The following CAMSAP1 variants were observed in gnomAD, a reference collection of about 807,000 sequenced individuals.
CAMSAP1 encodes the protein calmodulin regulated spectrin associated protein 1.
Under a neutral mutation model 143.5 loss-of-function variants are expected in CAMSAP1, and 58 were observed. The observed-to-expected ratio is 0.40, with a 90% CI of 0.33 to 0.50. The LOEUF (loss-of-function observed/expected upper bound fraction) is 0.50, where lower values mean the gene tolerates loss of function less well. CAMSAP1 is among the 20% of genes least tolerant of loss of function. The pLI is 0.45. For missense variants in CAMSAP1, 1,969 were observed against 2,115.7 expected, an observed-to-expected ratio of 0.93 and a Z score of 1.36; for synonymous variants, 945 against 859.3, an observed-to-expected ratio of 1.10 and a Z score of -1.74.
At position 135,820,788 on chromosome 9, in the gene CAMSAP1, G is replaced by A; in HGVS notation, c.3822+51C>T. 2 of 1,587,290 alleles carry A rather than the reference G, an allele frequency of 1.3e-6. No homozygotes were observed. The highest frequency in any genetic ancestry group is 1.7e-6 in the Non-Finnish European group (2 of 1,168,134). ...TGTGTTCTCTAACTCACTATCACGT[G>A]GGGTGGCAACACATCACGAGTGCCT... On this transcript the variant is annotated intron_variant, in intron 11 of 16. Coordinates refer to ENST00000389532, the MANE Select transcript of CAMSAP1 (RefSeq NM_015447.4). The surrounding 1 kb of genome is among the most constrained non-coding windows in gnomAD (Gnocchi z 4.4).
chr9:135,859,979 C>A (rs1192503107), intron 5 of CAMSAP1, among the ~76,000 whole-genome samples: 9 of 139,202 alleles, frequency 6.5e-5, no homozygotes, highest in African/African-American at 2.4e-4. Context: ...CCAAGGCAAG[C>A]AGATCGCTTG....
chr9:135,814,022 C>T (rs1333839829), intron 16 of CAMSAP1, among the ~76,000 whole-genome samples: 2 of 152,174 alleles, frequency 1.3e-5, no homozygotes, highest in Non-Finnish European at 2.9e-5. Context: ...AGCCCTGGGT[C>T]GACTCCACAC....
intron 5 of CAMSAP1, among the ~76,000 whole-genome samples, chr9:135,860,083 T>G (rs1837129473): frequency 6.6e-6 from 1 of 150,430 alleles, no homozygotes; most frequent in Non-Finnish European, 1.5e-5. Flanking sequence ...TAGCCAGGCA[T>G]GGTCGTACGT....
intron 3 of CAMSAP1, 86 bp from the exon 4 acceptor site, chr9:135,866,622 T>G: frequency 1.5e-6 from 1 of 688,510 alleles, no homozygotes; most frequent in African/African-American, 1.8e-5. Context: ...GACCCCCACT[T>G]CACCTGATTC....
Position 135,821,370 on chromosome 9 carries a change from C to T in CAMSAP1, c.3291G>A (p.Arg1097=). 1.9e-6 allele frequency: 3 copies of T among 1,613,708 alleles called. No homozygotes were observed. Among genetic ancestry groups the T allele is most frequent in the Non-Finnish European group, 2.5e-6 (3 of 1,179,736 alleles). ...CCGCCGGCCTTCCGGAACGGGAATT[C>T]CGGCCTTGACCCAGCCGGGGGGCTT... The part of the protein sequence containing the change: ...HRKAPRLGQG[R]NSRSGRPAEL... Residue 1097 remains arginine, a synonymous_variant, in exon 11 of 17, where the codon CGG becomes CGA. Transcript: ENST00000389532. This position sits in a 1 kb window ranked among gnomAD's most constrained non-coding sequence, Gnocchi z 4.6.
At chr9:135,855,453 C>CT (rs1020789291) in intron 5 of CAMSAP1, among the ~76,000 whole-genome samples, 6 of 152,090 alleles carry the variant, frequency 3.9e-5, no homozygotes, top group Non-Finnish European at 7.4e-5. Flanking sequence ...TTGTATTTTA[C>CT]TTTAAGAAGC....
At chr9:135,813,341 A>G (rs1320219109) in intron 16 of CAMSAP1, among the ~76,000 whole-genome samples, 1 of 152,248 alleles carries the variant, frequency 6.6e-6, no homozygotes, top group Non-Finnish European at 1.5e-5. Flanking sequence ...TTGGCTTTAG[A>G]AAAGTTACTT....
Position 135,824,035 on chromosome 9 carries a change from C to T in CAMSAP1, c.1316-1G>A. 1 of 1,576,852 alleles carries T rather than the reference C, an allele frequency of 6.3e-7. No homozygotes were observed. ...AAAGAATTCGATCGATGTCGCTGAT[C>T]TGCAGTACAGAGGAATTAGATAGTG... On this transcript the variant is annotated splice_acceptor_variant, in intron 9 of 16. Transcript: ENST00000389532. LOFTEE classifies it high-confidence loss of function. This position sits in a 1 kb window ranked among gnomAD's most constrained non-coding sequence, Gnocchi z 4.1.
rs762382021 is a variant in CAMSAP1, at chr9:135,821,740, A to G, written c.2921T>C (p.Val974Ala). 6.2e-7 allele frequency: 1 copy of G among 1,613,898 alleles called. No individual in the cohort carries two copies. Among genetic ancestry groups the G allele is most frequent in the South Asian group, 1.1e-5 (1 of 91,066 alleles). The change falls in exon 11 of 17, where the codon GTG (valine) becomes GCG (alanine). Residue 974 changes from valine to alanine, a missense_variant. Physicochemically the swap from Val to Ala is moderately conservative, Grantham distance 64. Around this residue, in one of 4 missense-constraint regions of CAMSAP1, gnomAD observed 1,390 missense variants for 1,420.8 expected, o/e 0.98. Transcript: ENST00000389532. This position sits in a 1 kb window ranked among gnomAD's most constrained non-coding sequence, Gnocchi z 4.6. Reference sequence around the variant, plus strand: ...AGCAAAGGCCAGGCTCTCTTTGTCCACATCCTGTGGCTCGTGAAGGAGCTC... The same window carrying G: ...AGCAAAGGCCAGGCTCTCTTTGTCCGCATCCTGTGGCTCGTGAAGGAGCTC... The part of the protein sequence containing the change: ...REELLHEPQD[V>A]DKESLAFAQQ...
At position 135,810,280 on chromosome 9, in the gene CAMSAP1, A is replaced by G. The variant is rs1834999705; in HGVS notation, c.*1029T>C. The G allele has an allele frequency of 6.6e-6, 1 of 152,240 alleles. No homozygotes were observed. The highest frequency in any genetic ancestry group is 1.5e-5 in the Non-Finnish European group (1 of 68,044). 9.4% of individuals were successfully genotyped at this position (152,240 alleles called of 1,614,324 possible). On this transcript the variant is annotated 3_prime_UTR_variant, in exon 17 of 17. Coordinates refer to ENST00000389532, the MANE Select transcript of CAMSAP1 (RefSeq NM_015447.4). ...AAACAAAAGTATCCATCTACAGGGG[A>G]AACGGCACGCTCCTCTGAGAGCATG...
intron 1 of CAMSAP1, among the ~76,000 whole-genome samples, chr9:135,898,710 ACAT>A (rs765598790): frequency 2.2e-4 from 33 of 152,202 alleles, no homozygotes; most frequent in Non-Finnish European, 4.7e-4. Context: ...AAAAAGACTG[ACAT>A]CATCAAGTGT....
chr9:135,852,701 T>A (rs965529024), intron 5 of CAMSAP1, among the ~76,000 whole-genome samples: 1 of 152,210 alleles, frequency 6.6e-6, no homozygotes, highest in African/African-American at 2.4e-5. Flanking sequence ...AAAACCACAC[T>A]GTTTTTGGTA....
chr9:135,892,916 C>T (rs1007704418), intron 1 of CAMSAP1, among the ~76,000 whole-genome samples: 2 of 144,988 alleles, frequency 1.4e-5, no homozygotes, highest in Non-Finnish European at 3.0e-5. Flanking sequence ...CATCTATAAT[C>T]TCAACACTTT....
chr9:135,891,211 C>G (rs918114161), intron 1 of CAMSAP1, among the ~76,000 whole-genome samples: 6 of 152,198 alleles, frequency 3.9e-5, no homozygotes, highest in African/African-American at 1.4e-4. Context: ...CCAGCCTGAC[C>G]CAGCTGGCTG....
chr9:135,836,054 A>T, intron 7 of CAMSAP1: 1 of 948,090 alleles, frequency 1.1e-6, no homozygotes, highest in Non-Finnish European at 1.3e-6. Context: ...CAGCTTTTTC[A>T]GAGCTTCTCT....
chr9:135,814,814 G>A, intron 16 of CAMSAP1, among the ~76,000 whole-genome samples: 1 of 152,284 alleles, frequency 6.6e-6, no homozygotes, highest in Non-Finnish European at 1.5e-5. Context: ...ATCTCACTGA[G>A]TAGAACTATG....
intron 5 of CAMSAP1, among the ~76,000 whole-genome samples, chr9:135,859,199 A>T (rs971135439): frequency 1.6e-4 from 24 of 152,344 alleles, no homozygotes; most frequent in African/African-American, 4.8e-4. Context: ...CTGTGGCCTT[A>T]ATCGACTGCA....
rs1268936754 is a variant in CAMSAP1, at chr9:135,823,092, C to G, written c.1569G>C (p.Lys523Asn). The G allele has an allele frequency of 1.2e-6, 2 of 1,614,014 alleles. No individual in the cohort carries two copies. The highest frequency in any genetic ancestry group is 1.7e-6 in the Non-Finnish European group (2 of 1,179,896). ...PQNQPHPTAT[K>N]SHGKSLLSNV... The stretch of plus-strand genomic sequence containing the variant: ...TGCTCAGGAGGCTCTTCCCGTGGCT[C>G]TTCGTGGCCGTGGGGTGTGGCTGGT... The change falls in exon 11 of 17, where the codon AAG (lysine) becomes AAC (asparagine). Residue 523 changes from lysine (K) to asparagine (N), a missense_variant. This residue lies in a region of CAMSAP1 where 1,390 missense variants were observed against 1,420.8 expected (regional missense o/e 0.98). Coordinates refer to ENST00000389532, the MANE Select transcript of CAMSAP1 (RefSeq NM_015447.4).
intron 7 of CAMSAP1, among the ~76,000 whole-genome samples, chr9:135,845,540 T>TA (rs1333890890): frequency 1.3e-5 from 2 of 152,124 alleles, no homozygotes; most frequent in Non-Finnish European, 2.9e-5. Context: ...GAGAAAGAAA[T>TA]AAAGAGTATT....
Sources: gnomAD v4.1 joint callset for allele counts (sites outside exome capture counted in the v4.1 genomes callset) on GRCh38, gnomAD v4.1.1 for gene constraint, gnomAD v4.1.1 regional missense constraint, Gnocchi (gnomAD v3.1) non-coding constraint, MANE v1.5 for transcripts, NCBI Gene and HGNC (gene_info 2026-07-23, HGNC 2026-07-21) for gene names.